The following ZNRF2 variants were observed in gnomAD, a reference collection of about 807,000 sequenced individuals.
The protein encoded by ZNRF2 is zinc and ring finger 2.
ZNRF2 carries 16 observed loss-of-function variants against 20.4 expected under a neutral mutation model. That is an observed-to-expected ratio of 0.79 (90% confidence interval 0.53 to 1.19). The LOEUF (loss-of-function observed/expected upper bound fraction) is 1.19. Among genes scored for constraint, ZNRF2 ranks in the 50% most tolerant of loss-of-function variants. ZNRF2 has a pLI of 0.00. For missense variants in ZNRF2, 363 were observed against 332.4 expected, an observed-to-expected ratio of 1.09 and a Z score of -0.72; for synonymous variants, 178 against 144.9, an observed-to-expected ratio of 1.23 and a Z score of -1.64.
At chr7:30,298,205 C>G (rs1280039556) in intron 1 of ZNRF2, among the ~76,000 whole-genome samples, 1 of 151,604 alleles carries the variant, frequency 6.6e-6, no homozygotes, top group Non-Finnish European at 1.5e-5. Context: ...ATTACTGATA[C>G]GAATTTACAT....
chr7:30,287,903 A>C (rs1354616920), intron 1 of ZNRF2, among the ~76,000 whole-genome samples: 3 of 152,182 alleles, frequency 2.0e-5, no homozygotes, highest in Non-Finnish European at 4.4e-5. Context: ...CAGATGAGGA[A>C]CCTCAGTTGA....
chr7:30,364,867 C>G (rs1435343264), intron 4 of ZNRF2, among the ~76,000 whole-genome samples: 2 of 152,102 alleles, frequency 1.3e-5, no homozygotes, highest in Admixed American at 6.6e-5. Context: ...GCTCACAGTT[C>G]TGGAAGCTGG....
At chr7:30,300,208 G>T (rs1799090995) in intron 1 of ZNRF2, among the ~76,000 whole-genome samples, 2 of 149,036 alleles carry the variant, frequency 1.3e-5, no homozygotes, top group African/African-American at 5.0e-5. Context: ...GAGTGCAGTG[G>T]CACAATCTTG....
At chr7:30,350,587 C>G (rs1799947503) in intron 2 of ZNRF2, among the ~76,000 whole-genome samples, 2 of 151,928 alleles carry the variant, frequency 1.3e-5, no homozygotes, top group Non-Finnish European at 1.5e-5. Context: ...ACAGTAATAG[C>G]TCATGGATCT....
At chr7:30,312,807 T>C (rs1799312257) in intron 1 of ZNRF2, among the ~76,000 whole-genome samples, 1 of 152,214 alleles carries the variant, frequency 6.6e-6, no homozygotes, top group Admixed American at 6.5e-5. Context: ...ATTTTAAGTC[T>C]AATGAATTTG....
chr7:30,310,085 A>G (rs1334362819), intron 1 of ZNRF2, among the ~76,000 whole-genome samples: 1 of 152,144 alleles, frequency 6.6e-6, no homozygotes, highest in Non-Finnish European at 1.5e-5. Flanking sequence ...AACAGTAGCT[A>G]CGTTGTGAGG....
In ZNRF2 at chr7:30,288,573, A is replaced by T. The variant is rs188631708; in HGVS notation, c.469+2747A>T. 1.7e-4 allele frequency among the ~76,000 whole-genome samples: 26 copies of T among 152,306 alleles called. 1 individual carries two copies. In the East Asian group the frequency reaches 5.0e-3, roughly 29 times the overall value. On this transcript the variant is annotated intron_variant, in intron 1 of 4. Transcript: ENST00000323037. ...TGTGTTGGTTTTATGTTTTGATGTC[A>T]TTTGGACATCTGTTTTGGCTATATA... is the stretch of plus-strand genomic sequence containing the variant.
chr7:30,285,623 G>A lies in ZNRF2; in HGVS notation c.266G>A (p.Ser89Asn). The A allele has an allele frequency of 8.0e-7, 1 of 1,242,966 alleles. No individual in the cohort carries two copies. The highest frequency in any genetic ancestry group is 3.3e-5 in the East Asian group (1 of 30,392). 77.0% of individuals were successfully genotyped at this position (1,242,966 alleles called of 1,614,324 possible). ...CGCTCCCTCGGCGGGGCCGTGGGGA[G>A]CGTGGCGTCGGGGGCCCGCGCGGCG... The part of the protein sequence containing the change: ...RSRSLGGAVG[S>N]VASGARAAQS... The change falls in exon 1 of 5, where the codon AGC (serine) becomes AAC (asparagine). Residue 89 changes from serine (S) to asparagine (N), a missense_variant. By Grantham distance (46) the Ser-to-Asn change is conservative. Around this residue, in one of 2 missense-constraint regions of ZNRF2, gnomAD observed 302 missense variants for 231.5 expected, o/e 1.30. Transcript: ENST00000323037.
At chr7:30,291,258 A>G (rs13310955) in intron 1 of ZNRF2, among the ~76,000 whole-genome samples, 3 of 152,224 alleles carry the variant, frequency 2.0e-5, no homozygotes, top group African/African-American at 4.8e-5. Flanking sequence ...GCCAGTTGAA[A>G]GATTTTATAG....
intron 1 of ZNRF2, among the ~76,000 whole-genome samples, chr7:30,287,691 G>A (rs1349641848): frequency 4.0e-5 from 6 of 151,750 alleles, no homozygotes; most frequent in African/African-American, 1.2e-4. Context: ...TTGGGGTTGG[G>A]TGACTGGGGC....
intron 2 of ZNRF2, among the ~76,000 whole-genome samples, chr7:30,349,141 A>G (rs1003685942): frequency 6.6e-6 from 1 of 152,156 alleles, no homozygotes; most frequent in Non-Finnish European, 1.5e-5. Context: ...AGTGCCTTTT[A>G]CACATTTTCA....
chr7:30,336,842 C>G (rs757555198), intron 2 of ZNRF2, among the ~76,000 whole-genome samples: 1 of 152,032 alleles, frequency 6.6e-6, no homozygotes, highest in South Asian at 2.1e-4. Context: ...TATATATTTT[C>G]TTCTGTAGAG....
At chr7:30,359,341 A>G (rs1800089013) in intron 3 of ZNRF2, among the ~76,000 whole-genome samples, 1 of 152,232 alleles carries the variant, frequency 6.6e-6, no homozygotes, top group Admixed American at 6.5e-5. Context: ...GTAAAAAACT[A>G]GACTTTATAC....
chr7:30,322,532 G>C (rs1416149651), intron 1 of ZNRF2, among the ~76,000 whole-genome samples: 1 of 152,058 alleles, frequency 6.6e-6, no homozygotes, highest in Non-Finnish European at 1.5e-5. Context: ...TATAGTTTCT[G>C]TTCTCTCGTA....
chr7:30,349,852 T>A (rs1359720674), intron 2 of ZNRF2, among the ~76,000 whole-genome samples: 1 of 152,150 alleles, frequency 6.6e-6, no homozygotes, highest in African/African-American at 2.4e-5. Flanking sequence ...ATTTTTTTTC[T>A]TGTTCATGTA....
chr7:30,307,339 T>TG (rs1177243372), intron 1 of ZNRF2, among the ~76,000 whole-genome samples: 1 of 143,240 alleles, frequency 7.0e-6, no homozygotes, highest in Non-Finnish European at 1.5e-5. Context: ...TTTTTTTTTT[T>TG]TTTTTTTTTT....
At chr7:30,306,414 T>TA (rs1220556629) in intron 1 of ZNRF2, among the ~76,000 whole-genome samples, 1 of 152,122 alleles carries the variant, frequency 6.6e-6, no homozygotes, top group African/African-American at 2.4e-5. Context: ...ATAAAATACT[T>TA]AAAATAATAA....
intron 1 of ZNRF2, among the ~76,000 whole-genome samples, chr7:30,321,535 GA>G (rs141115902): frequency 1.2e-3 from 189 of 152,130 alleles, no homozygotes; most frequent in African/African-American, 4.4e-3. Flanking sequence ...TATTTAACTA[GA>G]AATCCAGGTG....
intron 1 of ZNRF2, among the ~76,000 whole-genome samples, chr7:30,315,562 A>C (rs1022057099): frequency 2.6e-5 from 4 of 152,042 alleles, no homozygotes; most frequent in African/African-American, 9.7e-5. Flanking sequence ...CATTCTCACA[A>C]AGTTGAGTCT....
Sources: allele counts gnomAD v4.1 joint callset (sites outside exome capture counted in the v4.1 genomes callset), GRCh38; gene constraint gnomAD v4.1.1; regional missense constraint gnomAD v4.1.1; transcripts MANE v1.5; gene names NCBI Gene and HGNC (gene_info 2026-07-23, HGNC 2026-07-21).